The following GABRB3 variants were observed in gnomAD, a reference collection of about 807,000 sequenced individuals.
GABRB3 encodes the protein gamma-aminobutyric acid type A receptor subunit beta3, also known as gamma-aminobutyric acid receptor subunit beta-3.
Under a neutral mutation model 52.1 loss-of-function variants are expected in GABRB3, and 14 were observed. That is an observed-to-expected ratio of 0.27 (90% CI 0.18 to 0.42). GABRB3 has a LOEUF of 0.42. Ranked by LOEUF, GABRB3 falls within the 10% of genes least tolerant of loss-of-function variation. The probability of loss-of-function intolerance (pLI) is 1.00; values close to 1 mark genes in which losing one functional copy is unlikely to be tolerated. For missense variants in GABRB3, 307 were observed against 609.1 expected, an observed-to-expected ratio of 0.50 and a Z score of 5.22; for synonymous variants, 260 against 232.3, an observed-to-expected ratio of 1.12 and a Z score of -1.08.
At chr15:26,735,337 T>C (rs1415999652) in intron 3 of GABRB3, among the ~76,000 whole-genome samples, 1 of 152,184 alleles carries the variant, frequency 6.6e-6, no homozygotes, top group African/African-American at 2.4e-5. Context: ...GTGGCCTTTA[T>C]AAAGAAATTA....
In GABRB3 at chr15:26,610,131, C is replaced by G. The variant is rs540375038; in HGVS notation, c.461+11183G>C. Among the ~76,000 whole-genome samples the G allele has an allele frequency of 4.6e-5, 7 of 152,304 alleles. No homozygotes were observed. In the South Asian group the frequency reaches 1.4e-3, roughly 32 times the overall value. ...GACCAATTCCTCTTCCTTATCCCTCCCTAATTACTGTTTTCCCATATATAG... is the reference window on the plus strand; with the variant it reads ...GACCAATTCCTCTTCCTTATCCCTCGCTAATTACTGTTTTCCCATATATAG... On this transcript the variant is annotated intron_variant, in intron 4 of 8. Coordinates refer to ENST00000311550, the MANE Select transcript of GABRB3 (RefSeq NM_000814.6).
At position 26,624,998 on chromosome 15, in the gene GABRB3, T is replaced by C. The variant is rs1892635668; in HGVS notation, c.241-3464A>G. The C allele has an allele frequency of 8.2e-6, 8 of 977,018 alleles. No individual in the cohort carries two copies. In the South Asian group the frequency reaches 1.9e-4, roughly 23 times the overall value. The allele number at this position is 977,018 out of a possible 1,614,324, so 60.5% of individuals were successfully genotyped here. On this transcript the variant is annotated intron_variant, in intron 3 of 8. Coordinates refer to ENST00000311550, the MANE Select transcript of GABRB3 (RefSeq NM_000814.6). ...GAACCTCATTTAACTAGGAGGCAGG[T>C]ATTATAATTATTATCCTATATCGAT...
chr15:26,653,907 T>C (rs767569738), intron 3 of GABRB3, among the ~76,000 whole-genome samples: 2 of 152,170 alleles, frequency 1.3e-5, no homozygotes, highest in African/African-American at 4.8e-5. Flanking sequence ...TCAAGGCTCA[T>C]GGAAAATTTG....
chr15:26,717,484 C>A (rs970669010), intron 3 of GABRB3, among the ~76,000 whole-genome samples: 33 of 152,320 alleles, frequency 2.2e-4, no homozygotes, highest in African/African-American at 7.5e-4. Context: ...GATTACTTAC[C>A]CATCACCAAA....
chr15:26,544,017 C>T lies in GABRB3; in HGVS notation c.*3776G>A, dbSNP rs1474850664. The T allele has an allele frequency of 1.3e-5, 2 of 152,596 alleles. No homozygotes were observed. 9.5% of individuals were successfully genotyped at this position (152,596 alleles called of 1,614,324 possible). A position where few individuals can be genotyped will look rare whatever the true frequency, so the allele number is the denominator to read the frequency against. ...AAAAATTTAATTCACCTGGGCAGTT[C>T]TTTGCCCCAAGATTCGATGTTACTC... On this transcript the variant is annotated 3_prime_UTR_variant, in exon 9 of 9. Transcript: ENST00000311550.
At chr15:26,661,556 G>A (rs779250096) in intron 3 of GABRB3, among the ~76,000 whole-genome samples, 1 of 152,168 alleles carries the variant, frequency 6.6e-6, no homozygotes, top group Non-Finnish European at 1.5e-5. Context: ...GGGGAACGCA[G>A]ACAAAAGCAG....
chr15:26,740,452 T>C (rs1364128016), intron 3 of GABRB3, among the ~76,000 whole-genome samples: 1 of 151,980 alleles, frequency 6.6e-6, no homozygotes, highest in Non-Finnish European at 1.5e-5. Context: ...AGTGAGGACC[T>C]GGGGACTGGG....
chr15:26,727,408 T>C (rs1292197898), intron 3 of GABRB3, among the ~76,000 whole-genome samples: 2 of 152,212 alleles, frequency 1.3e-5, no homozygotes, highest in East Asian at 3.8e-4. Flanking sequence ...TAGTACAAAA[T>C]GATGTCATTA....
intron 3 of GABRB3, among the ~76,000 whole-genome samples, chr15:26,708,563 G>A (rs1262173699): frequency 6.6e-6 from 1 of 152,214 alleles, no homozygotes; most frequent in African/African-American, 2.4e-5. Flanking sequence ...ATGGGAGGGG[G>A]TGAAAGAATA....
At chr15:26,763,180 G>A (rs985969600) in intron 3 of GABRB3, among the ~76,000 whole-genome samples, 7 of 152,220 alleles carry the variant, frequency 4.6e-5, no homozygotes, top group Non-Finnish European at 1.0e-4. Context: ...TAACTCCAAC[G>A]CCTCCCAAGG....
At chr15:26,629,016 G>A in intron 3 of GABRB3, 4 of 1,536,156 alleles carry the variant, frequency 2.6e-6, no homozygotes, top group Non-Finnish European at 3.5e-6. Flanking sequence ...GGACACGAGG[G>A]AGTCTCCCGG....
At chr15:26,615,927 G>T in intron 4 of GABRB3, 1 of 1,287,336 alleles carries the variant, frequency 7.8e-7, no homozygotes, top group Non-Finnish European at 1.0e-6. Context: ...TGCTGGGCAG[G>T]ACCTTCCTCA....
chr15:26,715,598 A>G (rs555521584), intron 3 of GABRB3, among the ~76,000 whole-genome samples: 36 of 152,374 alleles, frequency 2.4e-4, no homozygotes, highest in African/African-American at 8.7e-4. Context: ...ATAACTATTT[A>G]TAAACCGATT....
At chr15:26,738,511 G>A (rs941759880) in intron 3 of GABRB3, among the ~76,000 whole-genome samples, 4 of 152,124 alleles carry the variant, frequency 2.6e-5, no homozygotes, top group Admixed American at 6.6e-5. Context: ...ACTATTTAAA[G>A]GGACCTCAAT....
At chr15:26,668,695 T>C (rs72706059) in intron 3 of GABRB3, among the ~76,000 whole-genome samples, 22,893 of 152,234 alleles carry the variant, frequency 0.15, 2,074 homozygotes, top group Middle Eastern at 0.25. Flanking sequence ...TTAAATCATA[T>C]GTAAATAGAG....
At chr15:26,749,594 C>T (rs1323179910) in intron 3 of GABRB3, among the ~76,000 whole-genome samples, 2 of 151,894 alleles carry the variant, frequency 1.3e-5, no homozygotes, top group Non-Finnish European at 2.9e-5. Context: ...CCTGTTTCTA[C>T]TCAGTGGTGG....
At chr15:26,767,919 T>C (rs1241011374) in intron 3 of GABRB3, among the ~76,000 whole-genome samples, 2 of 152,164 alleles carry the variant, frequency 1.3e-5, no homozygotes, top group African/African-American at 4.8e-5. Flanking sequence ...TTTTTGTACA[T>C]GGGTATGACT....
rs554124769 is a variant in GABRB3, at chr15:26,567,904, GGAGGGGGGTGCTT to G, written c.683-184_683-172del. On this transcript the variant is annotated intron_variant, in intron 6 of 8. Transcript: ENST00000311550. ...GCTAGCGGTATTTATAGAAGAATTA[GGAGGGGGGTGCTT>G]TTCGGTCTATTTATAAGATAGTGAT... Among the ~76,000 whole-genome samples, 35 of 152,352 alleles carry G rather than the reference GGAGGGGGGTGCTT, an allele frequency of 2.3e-4. No individual in the cohort carries two copies. In the East Asian group the frequency reaches 6.8e-3, roughly 29 times the overall value.
intron 3 of GABRB3, among the ~76,000 whole-genome samples, chr15:26,696,442 A>G (rs1888743440): frequency 6.6e-6 from 1 of 152,194 alleles, no homozygotes; most frequent in South Asian, 2.1e-4. Flanking sequence ...TAGAGCAGAA[A>G]GGTGCAGGAT....
Sources: gnomAD v4.1 joint callset for allele counts (sites outside exome capture counted in the v4.1 genomes callset) on GRCh38, gnomAD v4.1.1 for gene constraint, MANE v1.5 for transcripts, NCBI Gene and HGNC (gene_info 2026-07-23, HGNC 2026-07-21) for gene names.